CYRIB: variants seen among roughly 807,000 people sequenced by gnomAD.
CYRIB encodes CYFIP-related Rac1 interactor B.
A neutral mutation model predicts 44.2 loss-of-function variants in CYRIB; 8 were observed. The ratio of observed to expected loss-of-function variants is 0.18; its 90% CI spans 0.11 to 0.33. CYRIB has a LOEUF of 0.33. Ranked by LOEUF, CYRIB falls within the 10% of genes least tolerant of loss-of-function variation. CYRIB has a pLI of 1.00. For synonymous variants in CYRIB, 131 were observed against 127.2 expected (o/e 1.03, Z -0.20); for missense variants, 185 against 382.8 (o/e 0.48, Z 4.31).
At chr8:129,927,631 G>C (rs1450176221) in intron 1 of CYRIB, among the ~76,000 whole-genome samples, 1 of 152,170 alleles carries the variant, frequency 6.6e-6, no homozygotes, top group Non-Finnish European at 1.5e-5. Context: ...TGGCTGGAAA[G>C]ATGGTCACCA....
chr8:129,924,106 C>T (rs1281561005), intron 1 of CYRIB, among the ~76,000 whole-genome samples: 2 of 15,374 alleles, frequency 1.3e-4, no homozygotes, highest in African/African-American at 3.1e-4. Flanking sequence ...TCTATCTCCA[C>T]CCCAAAAAAA....
At chr8:130,011,346 C>T (rs1198489726) in intron 1 of CYRIB, among the ~76,000 whole-genome samples, 1 of 151,810 alleles carries the variant, frequency 6.6e-6, no homozygotes, top group South Asian at 2.1e-4. Flanking sequence ...TATGGGGAAA[C>T]CCTGTCTCTA....
intron 2 of CYRIB, among the ~76,000 whole-genome samples, chr8:129,959,221 T>C (rs2095090679): frequency 6.6e-6 from 1 of 151,728 alleles, no homozygotes; most frequent in Non-Finnish European, 1.5e-5. Flanking sequence ...TCTACCCCCA[T>C]CACAAAAAAG....
At chr8:129,994,456 G>T (rs923922778) in intron 1 of CYRIB, among the ~76,000 whole-genome samples, 2 of 152,204 alleles carry the variant, frequency 1.3e-5, no homozygotes, top group African/African-American at 2.4e-5. Flanking sequence ...ATCTTTGTAT[G>T]CCTGTGCTTA....
chr8:130,014,211 A>G (rs571090843), intron 1 of CYRIB, among the ~76,000 whole-genome samples: 34 of 152,310 alleles, frequency 2.2e-4, no homozygotes, highest in Non-Finnish European at 3.8e-4. Flanking sequence ...AGGCTAAGGC[A>G]GCGAGGATCC....
chr8:129,897,458 C>T (rs1267330078), intron 2 of CYRIB, among the ~76,000 whole-genome samples: 1 of 151,786 alleles, frequency 6.6e-6, no homozygotes, highest in Non-Finnish European at 1.5e-5. Context: ...AAACACAATC[C>T]CTGTGCTACT....
chr8:129,846,464 A>G (rs2040088116), intron 11 of CYRIB, among the ~76,000 whole-genome samples: 1 of 152,160 alleles, frequency 6.6e-6, no homozygotes, highest in East Asian at 1.9e-4. Flanking sequence ...TTTTATTTAC[A>G]TTTTCTTATG....
intron 2 of CYRIB, among the ~76,000 whole-genome samples, chr8:129,959,659 T>G (rs1564425948): frequency 6.6e-6 from 1 of 152,134 alleles, no homozygotes; most frequent in Non-Finnish European, 1.5e-5. Flanking sequence ...TAATAAGAGA[T>G]AATACTTTTA....
At chr8:129,996,017 A>G (rs1024275375) in intron 1 of CYRIB, among the ~76,000 whole-genome samples, 2 of 152,102 alleles carry the variant, frequency 1.3e-5, no homozygotes, top group African/African-American at 4.8e-5. Flanking sequence ...TGGGAAATGA[A>G]CCCTGTTTTA....
chr8:129,917,629 C>A (rs934623837), intron 1 of CYRIB, among the ~76,000 whole-genome samples: 2 of 152,106 alleles, frequency 1.3e-5, no homozygotes, highest in Non-Finnish European at 2.9e-5. Context: ...GAGGCCAAGG[C>A]GGGCGGATCA....
At chr8:129,853,722 A>G (rs1471423111) in intron 7 of CYRIB, among the ~76,000 whole-genome samples, 4 of 152,240 alleles carry the variant, frequency 2.6e-5, no homozygotes, top group East Asian at 1.9e-4. Context: ...TAAAGAAGCC[A>G]GAAGAAATGC....
chr8:130,012,181 T>C (rs2097238741), intron 1 of CYRIB, among the ~76,000 whole-genome samples: 1 of 151,906 alleles, frequency 6.6e-6, no homozygotes, highest in African/African-American at 2.4e-5. Flanking sequence ...AGATGGCAGC[T>C]AGTAAGTCCT....
At chr8:129,892,428 C>T (rs745914984) in intron 2 of CYRIB, among the ~76,000 whole-genome samples, 1 of 152,002 alleles carries the variant, frequency 6.6e-6, no homozygotes, top group African/African-American at 2.4e-5. Context: ...AAAAGAAAAG[C>T]CTGGTCACAC....
intron 1 of CYRIB, among the ~76,000 whole-genome samples, chr8:129,989,676 G>C (rs1158621837): frequency 6.6e-6 from 1 of 150,980 alleles, no homozygotes; most frequent in East Asian, 1.9e-4. Flanking sequence ...TTAAGTTTTA[G>C]GGTACATGTG....
At chr8:129,974,938 G>C (rs2095854936) in intron 1 of CYRIB, among the ~76,000 whole-genome samples, 1 of 150,898 alleles carries the variant, frequency 6.6e-6, no homozygotes, top group East Asian at 1.9e-4. Flanking sequence ...AGGCTGCAGT[G>C]GTGCGATCTT....
At chr8:129,912,706 C>A (rs1342032266) in intron 1 of CYRIB, among the ~76,000 whole-genome samples, 1 of 151,748 alleles carries the variant, frequency 6.6e-6, no homozygotes, top group Non-Finnish European at 1.5e-5. Context: ...GATGCCCAGG[C>A]TGGGGCTTTC....
intron 4 of CYRIB, chr8:129,868,857 G>A (rs2055328501): frequency 7.0e-6 from 1 of 143,002 alleles, no homozygotes. Flanking sequence ...ACACACAGAA[G>A]CAGAATAATT....
chr8:129,935,504 T>C (rs1200575910), intron 1 of CYRIB, among the ~76,000 whole-genome samples: 1 of 152,222 alleles, frequency 6.6e-6, no homozygotes, highest in Admixed American at 6.5e-5. Flanking sequence ...CTATCTCCGC[T>C]GATCTAACAG....
intron 1 of CYRIB, among the ~76,000 whole-genome samples, chr8:129,925,115 A>G (rs942282756): frequency 2.6e-5 from 4 of 152,158 alleles, no homozygotes; most frequent in African/African-American, 9.7e-5. Flanking sequence ...AAAAATGTTT[A>G]GGCCGGGAGC....
Sources: gnomAD v4.1 joint callset for allele counts (sites outside exome capture counted in the v4.1 genomes callset) on GRCh38, gnomAD v4.1.1 for gene constraint, MANE v1.5 for transcripts, NCBI Gene and HGNC (gene_info 2026-07-23, HGNC 2026-07-21) for gene names.